The following CTNND2 variants were observed in gnomAD, a reference collection of about 807,000 sequenced individuals.
CTNND2 encodes catenin delta 2.
In CTNND2, 22 loss-of-function variants were observed where a neutral mutation model predicts 144.4. The ratio of observed to expected loss-of-function variants is 0.15; its 90% CI spans 0.11 to 0.22. The LOEUF (loss-of-function observed/expected upper bound fraction) is 0.22. Ranked by LOEUF, CTNND2 falls within the 10% of genes least tolerant of loss-of-function variation. The pLI, the probability that CTNND2 is intolerant of heterozygous loss-of-function variation, is 1.00. For missense variants in CTNND2, 1,353 were observed against 1,618.8 expected (o/e 0.84, Z 2.82); for synonymous variants, 751 against 695.6 (o/e 1.08, Z -1.25).
At chr5:11,663,019 T>C (rs1783359373) in intron 2 of CTNND2, among the ~76,000 whole-genome samples, 1 of 152,186 alleles carries the variant, frequency 6.6e-6, no homozygotes, top group African/African-American at 2.4e-5. Flanking sequence ...GTTGTGAGAA[T>C]GAGAAGTGAG....
At chr5:11,300,275 C>A (rs1749450128) in intron 9 of CTNND2, among the ~76,000 whole-genome samples, 1 of 152,090 alleles carries the variant, frequency 6.6e-6, no homozygotes, top group Admixed American at 6.5e-5. Context: ...AGAACCAACC[C>A]CTCCTCCACT....
At chr5:11,334,221 A>G (rs534378855) in intron 9 of CTNND2, among the ~76,000 whole-genome samples, 46 of 152,346 alleles carry the variant, frequency 3.0e-4, no homozygotes, top group African/African-American at 9.6e-4. Context: ...CACTGCAAAG[A>G]AATCATACAC....
chr5:11,171,760 G>A lies in CTNND2; in HGVS notation c.1976-12001C>T, dbSNP rs1433469365. 2.6e-5 allele frequency among the ~76,000 whole-genome samples: 4 copies of A among 152,270 alleles called. No individual in the cohort carries two copies. In the East Asian group the frequency reaches 5.8e-4, roughly 22 times the overall value. On this transcript the variant is annotated intron_variant, in intron 11 of 21. Coordinates refer to ENST00000304623, the MANE Select transcript of CTNND2 (RefSeq NM_001332.4). ...GACAGTGAAAAGTCACCATGGGAGG[G>A]CATCACGGAAGGTTCTATGGGAGAG...
intron 1 of CTNND2, among the ~76,000 whole-genome samples, chr5:11,888,411 T>G (rs753280000): frequency 1.1e-4 from 17 of 152,280 alleles, no homozygotes; most frequent in Non-Finnish European, 2.2e-4. Context: ...GGACTTAAGC[T>G]AATTCTTTCC....
At chr5:11,073,865 C>A (rs900905441) in intron 16 of CTNND2, among the ~76,000 whole-genome samples, 15 of 152,230 alleles carry the variant, frequency 9.9e-5, no homozygotes, top group African/African-American at 3.6e-4. Flanking sequence ...CAACAAATCA[C>A]TTTGTCTAAG....
chr5:11,281,636 A>G (rs1483560551), intron 9 of CTNND2, among the ~76,000 whole-genome samples: 1 of 152,222 alleles, frequency 6.6e-6, no homozygotes, highest in Admixed American at 6.5e-5. Flanking sequence ...TTGAGATCAC[A>G]GTGTCAACAG....
At chr5:11,172,314 A>AC (rs1218549533) in intron 11 of CTNND2, among the ~76,000 whole-genome samples, 23 of 152,020 alleles carry the variant, frequency 1.5e-4, no homozygotes, top group Non-Finnish European at 2.9e-4. Flanking sequence ...AGGAAAAAAA[A>AC]CTCTAAGTTA....
intron 2 of CTNND2, among the ~76,000 whole-genome samples, chr5:11,687,552 T>C (rs762380750): frequency 1.1e-4 from 16 of 152,138 alleles, no homozygotes; most frequent in Non-Finnish European, 1.5e-4. Flanking sequence ...ATGGAGGAGG[T>C]AGCTGGACCT....
At chr5:11,745,845 C>G (rs1238748283) in intron 1 of CTNND2, among the ~76,000 whole-genome samples, 1 of 152,132 alleles carries the variant, frequency 6.6e-6, no homozygotes, top group Admixed American at 6.5e-5. Context: ...TCCAAACTTT[C>G]TTTGACAGAA....
chr5:11,366,674 TA>T (rs1757009022), intron 7 of CTNND2, among the ~76,000 whole-genome samples: 1 of 100,466 alleles, frequency 1.0e-5, no homozygotes, highest in African/African-American at 4.9e-5. Context: ...TTTAAAAATG[TA>T]AAAATAAAAA....
intron 9 of CTNND2, among the ~76,000 whole-genome samples, chr5:11,259,338 C>T (rs754998178): frequency 8.6e-5 from 13 of 151,976 alleles, no homozygotes; most frequent in Non-Finnish European, 1.6e-4. Flanking sequence ...TCCCAGCCAC[C>T]ACGCCAAAAA....
At chr5:11,671,177 A>G (rs1264571192) in intron 2 of CTNND2, among the ~76,000 whole-genome samples, 1 of 152,174 alleles carries the variant, frequency 6.6e-6, no homozygotes, top group Admixed American at 6.5e-5. Flanking sequence ...CTTTGTGGGT[A>G]ACCTGACCTT....
At chr5:11,436,400 T>C (rs1763778966) in intron 3 of CTNND2, among the ~76,000 whole-genome samples, 2 of 152,192 alleles carry the variant, frequency 1.3e-5, no homozygotes, top group African/African-American at 4.8e-5. Flanking sequence ...ATCTGATGTA[T>C]AAGGTCACAA....
In CTNND2 at chr5:11,064,467, G is replaced by A. The variant is rs139221752; in HGVS notation, c.2788+18229C>T. ...CATCCGGGAGGAAGAACAGGGCTCA[G>A]AGTGGAAGGATGAGAAGAGAGGAGT... On this transcript the variant is annotated intron_variant, in intron 16 of 21. Coordinates refer to ENST00000304623, the MANE Select transcript of CTNND2 (RefSeq NM_001332.4). Among the ~76,000 whole-genome samples, 1,136 of 152,200 alleles carry A rather than the reference G, an allele frequency of 7.5e-3. 7 individuals carry two copies. The highest frequency in any genetic ancestry group is 0.024 in the Middle Eastern group (7 of 294).
chr5:11,494,491 A>G (rs1257325946), intron 3 of CTNND2, among the ~76,000 whole-genome samples: 1 of 152,210 alleles, frequency 6.6e-6, no homozygotes, highest in Non-Finnish European at 1.5e-5. Context: ...AATTTGAAAT[A>G]AAATAAATAC....
chr5:11,309,433 C>T (rs1040983684), intron 9 of CTNND2, among the ~76,000 whole-genome samples: 4 of 152,206 alleles, frequency 2.6e-5, no homozygotes, highest in African/African-American at 9.6e-5. Context: ...AATGCCTCCC[C>T]TGCTGGGTTG....
At chr5:11,285,240 A>G (rs898837199) in intron 9 of CTNND2, among the ~76,000 whole-genome samples, 2 of 151,854 alleles carry the variant, frequency 1.3e-5, no homozygotes, top group African/African-American at 4.8e-5. Context: ...TCATCCACTG[A>G]CCCCACCCAC....
At chr5:11,695,287 C>T (rs778995766) in intron 2 of CTNND2, among the ~76,000 whole-genome samples, 8 of 152,158 alleles carry the variant, frequency 5.3e-5, no homozygotes, top group Non-Finnish European at 8.8e-5. Context: ...TATCTAGCAA[C>T]TGGCCTGAGA....
intron 1 of CTNND2, among the ~76,000 whole-genome samples, chr5:11,844,020 G>C (rs571049550): frequency 5.9e-5 from 9 of 152,276 alleles, no homozygotes; most frequent in African/African-American, 2.2e-4. Context: ...TTCAGTCTGA[G>C]TCCCAGTTGT....
Sources: gnomAD v4.1 joint callset for allele counts (sites outside exome capture counted in the v4.1 genomes callset) on GRCh38, gnomAD v4.1.1 for gene constraint, MANE v1.5 for transcripts, NCBI Gene and HGNC (gene_info 2026-07-23, HGNC 2026-07-21) for gene names.